KRABD1: variants seen among roughly 807,000 people sequenced by gnomAD.
The protein encoded by KRABD1 is KRAB domain-containing protein 1.
chr3:42,941,739 A>G, the KRABD1 span, among the ~76,000 whole-genome samples: 1 of 152,034 alleles, frequency 6.6e-6, no homozygotes, highest in African/African-American at 2.4e-5. Context: ...TGCCCTTTAA[A>G]TAGAAATCTG....
the KRABD1 span, among the ~76,000 whole-genome samples, chr3:42,940,115 A>C: frequency 3.9e-5 from 6 of 152,148 alleles, no homozygotes; most frequent in African/African-American, 1.4e-4. Context: ...TTATTGTTTT[A>C]CCTTTATACT....
At chr3:42,937,114 A>G in the KRABD1 span, 3 of 152,196 alleles carry the variant, frequency 2.0e-5, no homozygotes, top group African/African-American at 7.2e-5. Flanking sequence ...GGAGATGTCG[A>G]AAGATTTCTT....
the KRABD1 span, chr3:42,942,615 C>A: frequency 7.0e-7 from 1 of 1,428,824 alleles, no homozygotes; most frequent in South Asian, 1.5e-5. Context: ...TTTTCGAAAT[C>A]GTCAATGCTG....
chr3:42,937,201 C>T, the KRABD1 span: 1 of 152,134 alleles, frequency 6.6e-6, no homozygotes, highest in Non-Finnish European at 1.5e-5. Flanking sequence ...ATTTAATTGT[C>T]AAGGTTCATA....
At chr3:42,940,078 GTTC>G in the KRABD1 span, among the ~76,000 whole-genome samples, 15 of 152,262 alleles carry the variant, frequency 9.9e-5, no homozygotes, top group East Asian at 2.7e-3. Flanking sequence ...TCATCAAGAT[GTTC>G]TTCTGTGTTT....
the KRABD1 span, chr3:42,937,760 A>C: frequency 6.6e-6 from 1 of 152,184 alleles, no homozygotes; most frequent in Non-Finnish European, 1.5e-5. Flanking sequence ...TTTCTCTGAC[A>C]CCTTCAGCTT....
At chr3:42,942,180 G>GAGTACATCGAGGAAA in the KRABD1 span, 2 of 750,948 alleles carry the variant, frequency 2.7e-6, no homozygotes, top group Non-Finnish European at 4.5e-6. Flanking sequence ...AGTACACTGG[G>GAGTACATCGAGGAAA]ATCCTCGATC....
the KRABD1 span, chr3:42,937,911 A>G: frequency 6.6e-6 from 1 of 152,216 alleles, no homozygotes. Context: ...TGGAGTTGGA[A>G]CGGAAGTTGT....
At chr3:42,938,984 T>C in the KRABD1 span, 2 of 1,312,758 alleles carry the variant, frequency 1.5e-6, no homozygotes, top group Non-Finnish European at 2.1e-6. Context: ...TATACATATG[T>C]GTTTATTAGA....
At chr3:42,936,630 C>T in the KRABD1 span, 2 of 152,328 alleles carry the variant, frequency 1.3e-5, no homozygotes, top group African/African-American at 2.4e-5. Flanking sequence ...TCCCTGTACC[C>T]AGGGCAGCCT....
the KRABD1 span, chr3:42,942,666 C>T: frequency 9.9e-7 from 1 of 1,008,096 alleles, no homozygotes; most frequent in Non-Finnish European, 1.4e-6. Context: ...ATTTAAATAC[C>T]AGTTTTCCAA....
At chr3:42,942,556 G>T in the KRABD1 span, 2 of 1,331,024 alleles carry the variant, frequency 1.5e-6, no homozygotes, top group Non-Finnish European at 2.0e-6. Context: ...GAACTAAGAA[G>T]ATATACTTAC....
the KRABD1 span, chr3:42,938,110 A>G: frequency 6.6e-6 from 1 of 152,198 alleles, no homozygotes; most frequent in Admixed American, 6.5e-5. Flanking sequence ...CCAGAATGAG[A>G]GTTGGAACTA....
the KRABD1 span, among the ~76,000 whole-genome samples, chr3:42,940,687 C>T: frequency 3.9e-5 from 6 of 152,208 alleles, no homozygotes; most frequent in Non-Finnish European, 7.3e-5. Context: ...CTCACTACCT[C>T]TGCATGAAGA....
At chr3:42,941,009 G>T in the KRABD1 span, among the ~76,000 whole-genome samples, 1 of 152,176 alleles carries the variant, frequency 6.6e-6, no homozygotes, top group Non-Finnish European at 1.5e-5. Context: ...AGGTGTACTT[G>T]TTTCTCACTG....
chr3:42,941,828 G>A, the KRABD1 span: 1 of 639,312 alleles, frequency 1.6e-6, no homozygotes. Context: ...ACCTCTTTAG[G>A]GTACCTCTCG....
chr3:42,939,733 G>C, the KRABD1 span, among the ~76,000 whole-genome samples: 1 of 152,118 alleles, frequency 6.6e-6, no homozygotes, highest in Non-Finnish European at 1.5e-5. Context: ...CTCGTTTGCA[G>C]TATCTCATTG....
the KRABD1 span, chr3:42,941,118 A>G: frequency 6.5e-6 from 7 of 1,072,102 alleles, no homozygotes; most frequent in Admixed American, 1.7e-4. Context: ...TGAAGGACCC[A>G]ATACTGAATA....
the KRABD1 span, chr3:42,941,291 T>G: frequency 6.3e-7 from 1 of 1,597,826 alleles, no homozygotes; most frequent in Non-Finnish European, 8.5e-7. Context: ...TCATGGTGCC[T>G]GCCGAGAGGG....
Sources: gnomAD v4.1 joint callset for allele counts (sites outside exome capture counted in the v4.1 genomes callset) on GRCh38, gnomAD v4.1.1 for gene constraint, MANE v1.5 for transcripts, NCBI Gene and HGNC (gene_info 2026-07-23, HGNC 2026-07-21) for gene names.